The following SLC35F5 variants were observed in gnomAD, a reference collection of about 807,000 sequenced individuals.
SLC35F5 encodes solute carrier family 35 member F5.
A neutral mutation model predicts 68.6 loss-of-function variants in SLC35F5; 54 were observed. The observed-to-expected ratio is 0.79, with a 90% CI of 0.63 to 0.99. SLC35F5 has a LOEUF of 0.99. Among genes scored for constraint, SLC35F5 ranks in the 50% least tolerant of loss-of-function variants. The pLI is 0.00. For synonymous variants in SLC35F5, 211 were observed against 205.2 expected, an observed-to-expected ratio of 1.03 and a Z score of -0.24; for missense variants, 567 against 626.9, an observed-to-expected ratio of 0.90 and a Z score of 1.02.
intron 9 of SLC35F5, among the ~76,000 whole-genome samples, chr2:113,732,225 C>A (rs901113196): frequency 1.3e-5 from 2 of 152,028 alleles, no homozygotes; most frequent in African/African-American, 4.8e-5. Flanking sequence ...AAAAATAAGA[C>A]TGAATTAAGG....
intron 11 of SLC35F5, among the ~76,000 whole-genome samples, chr2:113,727,445 A>G (rs1158614849): frequency 6.6e-6 from 1 of 152,192 alleles, no homozygotes; most frequent in East Asian, 1.9e-4. Flanking sequence ...TGAAACACCA[A>G]AACGTGGCAT....
In SLC35F5 at chr2:113,755,486, A is replaced by G. The variant is rs775127155; in HGVS notation, c.99T>C (p.Ala33=). The G allele has an allele frequency of 2.5e-6, 4 of 1,614,168 alleles. No homozygotes were observed. The highest frequency in any genetic ancestry group is 2.2e-5 in the East Asian group (1 of 44,886). ...RLRSAKFSGI[A]LEDLRRALKT... is the part of the protein sequence containing the mutation. ...TAAGAGCCCTTCTGAGATCCTCAAG[A>G]GCAATGCCGGAAAACTTGGCAGATC... Residue 33 remains alanine (A), a synonymous_variant, in exon 2 of 16, where the codon GCT becomes GCC. Transcript: ENST00000245680.
chr2:113,744,086 C>A (rs1002443694), intron 5 of SLC35F5, among the ~76,000 whole-genome samples: 2 of 152,158 alleles, frequency 1.3e-5, no homozygotes, highest in African/African-American at 4.8e-5. Context: ...CTAACAGATT[C>A]CATCTCAGCT....
chr2:113,737,150 A>G (rs1369940311), intron 7 of SLC35F5, among the ~76,000 whole-genome samples: 1 of 152,208 alleles, frequency 6.6e-6, no homozygotes, highest in Non-Finnish European at 1.5e-5. Context: ...ACTTATTTCT[A>G]TTAAGAGAAG....
rs1686840113 is a variant in SLC35F5 at position 113,707,789 on chromosome 2, A to G, written c.*7429T>C. ...TTGGTCACACTGGTTTTGAACTCCT[A>G]ATCTCAGGTGATCCACCCGCCTCGG... On this transcript the variant is annotated 3_prime_UTR_variant, in exon 16 of 16. Transcript: ENST00000245680. 6.6e-6 allele frequency among the ~76,000 whole-genome samples: 1 copy of G among 152,026 alleles called. No individual in the cohort carries two copies. The highest frequency in any genetic ancestry group is 1.5e-5 in the Non-Finnish European group (1 of 67,978).
At chr2:113,743,997 T>C (rs1676387654) in intron 5 of SLC35F5, 1 of 392,024 alleles carries the variant, frequency 2.6e-6, no homozygotes, top group Non-Finnish European at 4.5e-6. Flanking sequence ...CAGTTTACAG[T>C]TTAGCAATGT....
chr2:113,723,694 A>G (rs954060950), intron 12 of SLC35F5, among the ~76,000 whole-genome samples: 9 of 152,302 alleles, frequency 5.9e-5, no homozygotes, highest in Middle Eastern at 3.4e-3. Flanking sequence ...TTGGCTTGGC[A>G]TAAAAAAAGA....
At chr2:113,733,660 T>C (rs747142772) in intron 9 of SLC35F5, among the ~76,000 whole-genome samples, 3 of 152,194 alleles carry the variant, frequency 2.0e-5, no homozygotes, top group Non-Finnish European at 4.4e-5. Flanking sequence ...AAGAAAAACA[T>C]TTAATATTAA....
intron 11 of SLC35F5, among the ~76,000 whole-genome samples, chr2:113,728,702 A>G (rs1298463838): frequency 1.3e-5 from 2 of 152,254 alleles, no homozygotes; most frequent in African/African-American, 4.8e-5. Context: ...GACTCCTTGT[A>G]AGCTGCACTT....
chr2:113,735,764 ACAAAT>A lies in SLC35F5; in HGVS notation c.832+8_832+12del, dbSNP rs1379746589. 2 of 1,567,702 alleles carry A rather than the reference ACAAAT, an allele frequency of 1.3e-6. No individual in the cohort carries two copies. Among genetic ancestry groups the A allele is most frequent in the Non-Finnish European group, 1.7e-6 (2 of 1,144,418 alleles). On this transcript the variant is annotated splice_region_variant and intron_variant, in intron 8 of 15. Transcript: ENST00000245680. ...TGATTTATAATGCAGATTTTTAAAG[ACAAAT>A]TTCTTACCGGAAGTTGAAGATAAAA...
rs773238265 is a variant in SLC35F5, at chr2:113,734,571, A to G, written c.920+15T>C. On this transcript the variant is annotated intron_variant, in intron 9 of 15. Transcript: ENST00000245680. ...TTTTAAGCAGAGCAAACTAGCTATC[A>G]CACTATATGCTTACCTTAAAATTAC... 1 of 1,423,522 alleles carries G rather than the reference A, an allele frequency of 7.0e-7. No homozygotes were observed. 88.2% of individuals were successfully genotyped at this position (1,423,522 alleles called of 1,614,324 possible). A position where few individuals can be genotyped will look rare whatever the true frequency, so the allele number is the denominator to read the frequency against.
At position 113,717,831 on chromosome 2, in the gene SLC35F5, G is replaced by T. The variant is rs757851206; in HGVS notation, c.1516C>A (p.Gln506Lys). The change falls in exon 15 of 16, where the codon CAG becomes AAG. Residue 506 changes from glutamine (Q) to lysine (K), a missense_variant. By Grantham distance (53) the Gln-to-Lys change is moderately conservative. Coordinates refer to ENST00000245680, the MANE Select transcript of SLC35F5 (RefSeq NM_025181.5). The stretch of plus-strand genomic sequence containing the variant: ...TGCATAGAAATGAGACTCTCACACT[G>T]TTCGCTGTCTTCTGGAACTCTTAAG... Reference protein sequence around the residue: ...RIQRVPEDSEQCESLISMHSV... With the variant: ...RIQRVPEDSEKCESLISMHSV... 5 of 1,610,238 alleles carry T rather than the reference G, an allele frequency of 3.1e-6. No homozygotes were observed. The highest frequency in any genetic ancestry group is 3.4e-6 in the Non-Finnish European group (4 of 1,178,262).
intron 12 of SLC35F5, among the ~76,000 whole-genome samples, chr2:113,724,189 T>G (rs1687568747): frequency 6.6e-6 from 1 of 152,202 alleles, no homozygotes; most frequent in South Asian, 2.1e-4. Context: ...AAAAGAGCAT[T>G]CGGGGTCAAA....
Position 113,756,612 on chromosome 2 carries a change from G to C in SLC35F5, c.-203C>G, listed in dbSNP as rs1180230929. 6 of 1,359,050 alleles carry C rather than the reference G, an allele frequency of 4.4e-6. No homozygotes were observed. The highest frequency in any genetic ancestry group is 3.1e-5 in the South Asian group (2 of 64,752). 84.2% of individuals were successfully genotyped at this position (1,359,050 alleles called of 1,614,324 possible). On this transcript the variant is annotated 5_prime_UTR_variant, in exon 1 of 16. Coordinates refer to ENST00000245680, the MANE Select transcript of SLC35F5 (RefSeq NM_025181.5). Reference sequence around the variant, plus strand: ...GCGGGTGAGGGGAAGGGACGGCACAGTCAGCTATGGCCGCGGAGGCCCGGA... The same window carrying C: ...GCGGGTGAGGGGAAGGGACGGCACACTCAGCTATGGCCGCGGAGGCCCGGA...
intron 7 of SLC35F5, 130 bp downstream of exon 7, chr2:113,742,562 A>T: frequency 4.6e-6 from 4 of 875,788 alleles, no homozygotes; most frequent in Non-Finnish European, 1.8e-6. Context: ...ACCGGTATCA[A>T]ATAGCAGAGT....
intron 7 of SLC35F5, among the ~76,000 whole-genome samples, chr2:113,736,723 A>C (rs1205565549): frequency 3.9e-5 from 6 of 152,196 alleles, no homozygotes; most frequent in Non-Finnish European, 8.8e-5. Flanking sequence ...CTCAGTTTGG[A>C]AACACAACCC....
chr2:113,721,293 G>A (rs908289667), intron 13 of SLC35F5: 5 of 151,368 alleles, frequency 3.3e-5, no homozygotes, highest in African/African-American at 9.7e-5. Context: ...TTAACTGACT[G>A]CCCAGTTCTA....
chr2:113,705,923 G>A (rs950776421), downstream of SLC35F5, among the ~76,000 whole-genome samples: 1 of 152,148 alleles, frequency 6.6e-6, no homozygotes, highest in African/African-American at 2.4e-5. Context: ...AAGAAAAAGG[G>A]AAAGGGGAGT....
intron 4 of SLC35F5, among the ~76,000 whole-genome samples, chr2:113,747,501 C>A (rs1167787004): frequency 6.6e-6 from 1 of 152,090 alleles, no homozygotes; most frequent in African/African-American, 2.4e-5. Flanking sequence ...TGTAAAAGAA[C>A]CCTAACAAAT....
Sources: gnomAD v4.1 joint callset for allele counts (sites outside exome capture counted in the v4.1 genomes callset) on GRCh38, gnomAD v4.1.1 for gene constraint, MANE v1.5 for transcripts, NCBI Gene and HGNC (gene_info 2026-07-23, HGNC 2026-07-21) for gene names.